The following CAMTA1 variants were observed in gnomAD, a reference collection of about 807,000 sequenced individuals.
CAMTA1 encodes calmodulin-binding transcription activator 1.
A neutral mutation model predicts 170.9 loss-of-function variants in CAMTA1; 27 were observed. That is an observed-to-expected ratio of 0.16 (90% CI 0.12 to 0.22). The LOEUF (loss-of-function observed/expected upper bound fraction) is 0.22. Ranked by LOEUF, CAMTA1 falls within the 10% of genes least tolerant of loss-of-function variation. The pLI is 1.00. For missense variants in CAMTA1, 1,619 were observed against 2,217.2 expected (o/e 0.73, Z 5.42); for synonymous variants, 833 against 891.5 (o/e 0.93, Z 1.17).
chr1:7,735,954 G>A (rs2096769092), intron 12 of CAMTA1, among the ~76,000 whole-genome samples: 1 of 151,970 alleles, frequency 6.6e-6, no homozygotes, highest in South Asian at 2.1e-4. Flanking sequence ...TGTATTTTTA[G>A]TAGAGATGGG....
At position 7,633,047 on chromosome 1, in the gene CAMTA1, AC is replaced by A. The variant is rs2095682963; in HGVS notation, c.511-7352del. On this transcript the variant is annotated intron_variant, in intron 6 of 22. Transcript: ENST00000303635. The surrounding 1 kb of genome is among the most constrained non-coding windows in gnomAD (Gnocchi z 4.1). ...CCCTCCTGGCAAGGTTCAGGCTAGCACTAAAGGGCCTGCTTAACACAGAGCA... is the reference window on the plus strand; with the variant it reads ...CCCTCCTGGCAAGGTTCAGGCTAGCATAAAGGGCCTGCTTAACACAGAGCA... Among the ~76,000 whole-genome samples, 1 of 152,174 alleles carries A rather than the reference AC, an allele frequency of 6.6e-6. No individual in the cohort carries two copies. Among genetic ancestry groups the A allele is most frequent in the Non-Finnish European group, 1.5e-5 (1 of 68,032 alleles).
chr1:7,449,406 G>C (rs1575393505), intron 5 of CAMTA1, among the ~76,000 whole-genome samples: 1 of 152,160 alleles, frequency 6.6e-6, no homozygotes, highest in Non-Finnish European at 1.5e-5. Flanking sequence ...GATGCTGGCA[G>C]CGTGTGGGAT....
intron 3 of CAMTA1, among the ~76,000 whole-genome samples, chr1:7,043,705 G>C (rs1355580277): frequency 6.6e-6 from 1 of 152,142 alleles, no homozygotes; most frequent in Non-Finnish European, 1.5e-5. Flanking sequence ...CCTGAAGGTT[G>C]GTTCCAGGGA....
intron 21 of CAMTA1, 135 bp downstream of exon 21, chr1:7,752,668 G>C (rs780157894): frequency 2.0e-4 from 131 of 647,376 alleles, no homozygotes; most frequent in Non-Finnish European, 3.0e-4. Flanking sequence ...AATTACAATA[G>C]GGCGGTAGAG....
chr1:7,636,853 C>A (rs1420464928), intron 6 of CAMTA1, among the ~76,000 whole-genome samples: 1 of 152,094 alleles, frequency 6.6e-6, no homozygotes, highest in Non-Finnish European at 1.5e-5. Context: ...AAATAAGCAC[C>A]GGTGATTGTT....
chr1:7,615,496 A>C (rs573624157), intron 6 of CAMTA1, among the ~76,000 whole-genome samples: 1 of 152,368 alleles, frequency 6.6e-6, no homozygotes, highest in East Asian at 1.9e-4. Context: ...GACTAAAAGC[A>C]TTCCCGGAGC....
chr1:7,000,362 C>G (rs1272676845), intron 3 of CAMTA1, among the ~76,000 whole-genome samples: 3 of 152,236 alleles, frequency 2.0e-5, no homozygotes, highest in African/African-American at 7.2e-5. Context: ...GAACCAGCCC[C>G]TGCGTCAGCC....
At chr1:7,226,836 T>A (rs1297616746) in intron 4 of CAMTA1, among the ~76,000 whole-genome samples, 1 of 152,170 alleles carries the variant, frequency 6.6e-6, no homozygotes, top group Non-Finnish European at 1.5e-5. Flanking sequence ...CTTTTTTATT[T>A]TTTATTTTTT....
chr1:7,281,221 T>C (rs1671460392), intron 5 of CAMTA1, among the ~76,000 whole-genome samples: 1 of 152,236 alleles, frequency 6.6e-6, no homozygotes, highest in South Asian at 2.1e-4. Flanking sequence ...CTTTTTTTCT[T>C]TATAACTGGC....
intron 19 of CAMTA1, 66 bp from the exon 20 acceptor site, chr1:7,751,133 T>A: frequency 7.8e-7 from 1 of 1,282,298 alleles, no homozygotes. Context: ...CCCGGTAAGC[T>A]CGAAGGACGC....
At chr1:7,344,857 C>T (rs845247) in intron 5 of CAMTA1, among the ~76,000 whole-genome samples, 62,399 of 151,316 alleles carry the variant, frequency 0.41, 13,400 homozygotes, top group Non-Finnish European at 0.46. Context: ...ATCCCATTCT[C>T]CTACTCAGCC....
chr1:7,372,492 G>A (rs914496166), intron 5 of CAMTA1, among the ~76,000 whole-genome samples: 2 of 152,206 alleles, frequency 1.3e-5, no homozygotes, highest in Admixed American at 1.3e-4. Flanking sequence ...TCCTGGGCTG[G>A]GTCTGTTGCA....
chr1:7,498,003 C>T (rs2093858852), intron 6 of CAMTA1, among the ~76,000 whole-genome samples: 1 of 152,088 alleles, frequency 6.6e-6, no homozygotes, highest in African/African-American at 2.4e-5. Context: ...GGGAGTCTCT[C>T]CTTGGCATGT....
intron 4 of CAMTA1, among the ~76,000 whole-genome samples, chr1:7,128,690 T>C (rs960585299): frequency 2.5e-4 from 38 of 151,974 alleles, no homozygotes; most frequent in African/African-American, 9.2e-4. Context: ...GAAGTCTTGC[T>C]GTCACCCAGG....
chr1:6,966,680 G>A (rs954577236), intron 3 of CAMTA1, among the ~76,000 whole-genome samples: 8 of 139,628 alleles, frequency 5.7e-5, no homozygotes, highest in South Asian at 4.5e-4. Context: ...GTGTGATTTC[G>A]GCTCACTGCA....
At chr1:6,795,682 C>T (rs927604310) in intron 1 of CAMTA1, among the ~76,000 whole-genome samples, 1 of 152,044 alleles carries the variant, frequency 6.6e-6, no homozygotes, top group Non-Finnish European at 1.5e-5. Context: ...ATTTCCTTTA[C>T]GAAATGACTT....
chr1:7,448,848 T>C (rs1038288037), intron 5 of CAMTA1, among the ~76,000 whole-genome samples: 1 of 152,182 alleles, frequency 6.6e-6, no homozygotes, highest in African/African-American at 2.4e-5. Context: ...GCATATGAAT[T>C]TGGGGACACA....
At chr1:7,347,052 T>G (rs373103267) in intron 5 of CAMTA1, among the ~76,000 whole-genome samples, 2 of 152,324 alleles carry the variant, frequency 1.3e-5, no homozygotes, top group Middle Eastern at 3.4e-3. Flanking sequence ...CAAATGTTCC[T>G]CTCCAAACTC....
chr1:7,706,489 G>C (rs962132507), intron 11 of CAMTA1, among the ~76,000 whole-genome samples: 1 of 152,200 alleles, frequency 6.6e-6, no homozygotes, highest in Non-Finnish European at 1.5e-5. Flanking sequence ...CTGGGAACCG[G>C]ATCAAGAGAA....
Sources: gnomAD v4.1 joint callset for allele counts (sites outside exome capture counted in the v4.1 genomes callset) on GRCh38, gnomAD v4.1.1 for gene constraint, Gnocchi (gnomAD v3.1) non-coding constraint, MANE v1.5 for transcripts, NCBI Gene and HGNC (gene_info 2026-07-23, HGNC 2026-07-21) for gene names.